MED13: variants seen among roughly 807,000 people sequenced by gnomAD.
The protein encoded by MED13 is mediator complex subunit 13, also known as mediator of RNA polymerase II transcription subunit 13.
In MED13, 23 loss-of-function variants were observed where a neutral mutation model predicts 225.2. That is an observed-to-expected ratio of 0.10 (90% CI 0.07 to 0.14). The LOEUF is 0.14. Among genes scored for constraint, MED13 ranks in the 10% least tolerant of loss-of-function variants. The pLI is 1.00. For synonymous variants in MED13, 942 were observed against 889.2 expected, an observed-to-expected ratio of 1.06 and a Z score of -1.06; for missense variants, 2,197 against 2,594.5, an observed-to-expected ratio of 0.85 and a Z score of 3.33.
Position 61,955,855 on chromosome 17 carries a change from TAA to T in MED13, c.5624-19_5624-18del, listed in dbSNP as rs61326861. 0.12 allele frequency: 92,538 copies of T among 779,322 alleles called. 2 individuals are homozygous for T. The highest frequency in any genetic ancestry group is 0.13 in the East Asian group (1,741 of 13,014). The allele number at this position is 779,322 out of a possible 1,614,324, so 48.3% of individuals were successfully genotyped here. A position where few individuals can be genotyped will look rare whatever the true frequency, so the allele number is the denominator to read the frequency against. On this transcript the variant is annotated intron_variant, in intron 24 of 29. Coordinates refer to ENST00000397786, the MANE Select transcript of MED13 (RefSeq NM_005121.3). The stretch of plus-strand genomic sequence containing the variant: ...AGCTCCAATCTGTGGGTATCAACAG[TAA>T]AAAAAAAAAAAAAAAAAAAAAAAAT...
chr17:62,010,979 G>C lies in MED13; in HGVS notation c.1538C>G (p.Thr513Ser), dbSNP rs1187930701. 1.9e-6 allele frequency: 3 copies of C among 1,613,662 alleles called. No individual in the cohort carries two copies. The highest frequency in any genetic ancestry group is 8.5e-7 in the Non-Finnish European group (1 of 1,179,560). Residue 513 changes from threonine to serine, a missense_variant, in exon 9 of 30, where the codon ACT (threonine) becomes AGT (serine). Physicochemically the swap from Thr to Ser is moderately conservative, Grantham distance 58 (BLOSUM62 1). Coordinates refer to ENST00000397786, the MANE Select transcript of MED13 (RefSeq NM_005121.3). ...DSQVRFSNIR[T>S]NDVAKTPQMH... ...CTGAGGAGTCTTTGCTACATCATTA[G>C]TTCGGATATTTGAAAATCTCACTTG...
chr17:61,969,048 G>C (rs902648310), intron 17 of MED13, among the ~76,000 whole-genome samples: 3 of 152,064 alleles, frequency 2.0e-5, no homozygotes, highest in African/African-American at 7.2e-5. Context: ...CACCACGTCT[G>C]GTCTGCATTT....
chr17:61,946,867 T>C, intron 29 of MED13, 50 bp downstream of exon 29: 2 of 1,456,804 alleles, frequency 1.4e-6, no homozygotes, highest in Non-Finnish European at 1.9e-6. Context: ...ATCAACATTA[T>C]ATTCTTTTAA....
At chr17:62,065,077 CCACGGCCCAAGGGCGCACCT>C in intron 1 of MED13, 43 bp downstream of exon 1, 2 of 1,436,434 alleles carry the variant, frequency 1.4e-6, no homozygotes, top group Non-Finnish European at 1.9e-6. Flanking sequence ...GCCCCCTCCC[CCACGGCCCAAGGGCGCACCT>C]CGCGGCCCCC....
chr17:62,034,521 T>C (rs1332574785), intron 4 of MED13, among the ~76,000 whole-genome samples: 1 of 150,222 alleles, frequency 6.7e-6, no homozygotes, highest in Non-Finnish European at 1.5e-5. Flanking sequence ...CTGCCCAAAC[T>C]CTTAAGATTT....
chr17:62,048,648 A>G (rs191022880), intron 3 of MED13, among the ~76,000 whole-genome samples: 90 of 152,210 alleles, frequency 5.9e-4, no homozygotes, highest in African/African-American at 2.0e-3. Context: ...CCTTTCCCCA[A>G]TAGGTTCACT....
At chr17:62,016,228 CT>C (rs200750742) in intron 8 of MED13, among the ~76,000 whole-genome samples, 1 of 147,584 alleles carries the variant, frequency 6.8e-6, no homozygotes, top group African/African-American at 2.5e-5. Flanking sequence ...AATCCCTTCT[CT>C]TTTTTTTTCC....
chr17:62,053,303 C>T (rs919274162), intron 2 of MED13, among the ~76,000 whole-genome samples: 32 of 152,180 alleles, frequency 2.1e-4, no homozygotes, highest in African/African-American at 7.5e-4. Context: ...TTATTCAGTA[C>T]AGGACCCTTT....
chr17:61,990,602 T>TAC (rs903163595), intron 11 of MED13, among the ~76,000 whole-genome samples: 16 of 144,168 alleles, frequency 1.1e-4, no homozygotes, highest in South Asian at 2.1e-4. Flanking sequence ...TATATATATA[T>TAC]ACACACACAC....
intron 3 of MED13, among the ~76,000 whole-genome samples, chr17:62,048,043 C>CATATAT (rs397803988): frequency 1.3e-3 from 167 of 131,128 alleles, no homozygotes; most frequent in Non-Finnish European, 1.3e-3. Flanking sequence ...TATACATATA[C>CATATAT]ATATATATAT....
chr17:62,022,130 T>TG (rs2080653711), intron 8 of MED13, among the ~76,000 whole-genome samples: 1 of 149,980 alleles, frequency 6.7e-6, no homozygotes, highest in Non-Finnish European at 1.5e-5. Context: ...ATGGCATCAC[T>TG]GCACTTCAGC....
chr17:61,955,846 T>G lies in MED13; in HGVS notation c.5624-8A>C. 7.6e-7 allele frequency: 1 copy of G among 1,317,590 alleles called. No homozygotes were observed. The highest frequency in any genetic ancestry group is 9.9e-7 in the Non-Finnish European group (1 of 1,013,734). 81.6% of individuals were successfully genotyped at this position (1,317,590 alleles called of 1,614,324 possible). A position where few individuals can be genotyped will look rare whatever the true frequency, so the allele number is the denominator to read the frequency against. On this transcript the variant is annotated splice_region_variant and splice_polypyrimidine_tract_variant and intron_variant, in intron 24 of 29. Transcript: ENST00000397786. ...TCAGCAAACAGCTCCAATCTGTGGG[T>G]ATCAACAGTAAAAAAAAAAAAAAAA...
chr17:61,958,224 A>C (rs1382183357), intron 23 of MED13, among the ~76,000 whole-genome samples: 2 of 144,888 alleles, frequency 1.4e-5, no homozygotes, highest in Admixed American at 6.9e-5. Context: ...CTAGAGTGCA[A>C]TGGTATGGTC....
intron 9 of MED13, among the ~76,000 whole-genome samples, chr17:61,996,639 TCTTTG>T (rs2143524799): frequency 6.6e-6 from 1 of 152,266 alleles, no homozygotes; most frequent in South Asian, 2.1e-4. Context: ...TTCCTTCAAG[TCTTTG>T]CTTAAATGTC....
intron 1 of MED13, 62 bp from the exon 2 acceptor site, chr17:62,063,363 A>G (rs1010787818): frequency 1.9e-6 from 2 of 1,033,316 alleles, no homozygotes; most frequent in Non-Finnish European, 2.9e-6. Context: ...AAAGTACTCA[A>G]TATGATGTCT....
chr17:62,058,052 A>G (rs922514882), intron 2 of MED13, among the ~76,000 whole-genome samples: 3 of 152,266 alleles, frequency 2.0e-5, no homozygotes, highest in African/African-American at 7.2e-5. Context: ...AATGAAAATG[A>G]TACAATCTTG....
Position 61,968,242 on chromosome 17 carries a change from T to C in MED13, c.3984A>G (p.Pro1328=). The part of the protein sequence containing the change: ...GRGSYGTDES[P]EPLPIPTFLL... ...AAAATGTGGGGATTGGCAGTGGTTC[T>C]GGGGATTCATCAGTTCCTAAATAAG... The change falls in exon 18 of 30, where the codon CCA becomes CCG. Residue 1328 remains proline (P), a synonymous_variant. Transcript: ENST00000397786. 1.2e-6 allele frequency: 2 copies of C among 1,613,216 alleles called. No individual in the cohort carries two copies. Among genetic ancestry groups the C allele is most frequent in the Non-Finnish European group, 1.7e-6 (2 of 1,179,380 alleles).
chr17:62,022,692 A>C (rs2080661129), intron 8 of MED13, among the ~76,000 whole-genome samples: 1 of 152,194 alleles, frequency 6.6e-6, no homozygotes, highest in Admixed American at 6.5e-5. Context: ...GAAAAAAATT[A>C]GCTGTGAAAA....
At chr17:62,039,587 A>ATTT (rs57066822) in intron 3 of MED13, among the ~76,000 whole-genome samples, 8 of 109,340 alleles carry the variant, frequency 7.3e-5, no homozygotes, top group Non-Finnish European at 1.3e-4. Context: ...CCCAGCCAAG[A>ATTT]TTTTTTTTTT....
Sources: gnomAD v4.1 joint callset for allele counts (sites outside exome capture counted in the v4.1 genomes callset) on GRCh38, gnomAD v4.1.1 for gene constraint, MANE v1.5 for transcripts, NCBI Gene and HGNC (gene_info 2026-07-23, HGNC 2026-07-21) for gene names.